Variants in ANKRD30B observed in about 807,000 individuals in gnomAD.
ANKRD30B encodes the protein ankyrin repeat domain 30B, also known as ankyrin repeat domain-containing protein 30B.
Under a neutral mutation model 202.2 loss-of-function variants are expected in ANKRD30B, and 144 were observed. The ratio of observed to expected loss-of-function variants is 0.71; its 90% CI spans 0.62 to 0.82. ANKRD30B has a LOEUF of 0.82. Among genes scored for constraint, ANKRD30B ranks in the 40% least tolerant of loss-of-function variants. ANKRD30B has a pLI of 0.00. For missense variants in ANKRD30B, 1,487 were observed against 1,669.1 expected, an observed-to-expected ratio of 0.89 and a Z score of 1.90; for synonymous variants, 508 against 561.3, an observed-to-expected ratio of 0.91 and a Z score of 1.34.
At chr18:14,875,385 A>C in the ANKRD30B span, among the ~76,000 whole-genome samples, 1 of 152,256 alleles carries the variant, frequency 6.6e-6, no homozygotes, top group Non-Finnish European at 1.5e-5. Flanking sequence ...GCCCAGGACC[A>C]CACAGGACAG....
chr18:14,835,063 G>A (rs2487250), intron 34 of ANKRD30B, among the ~76,000 whole-genome samples: 11 of 151,678 alleles, frequency 7.3e-5, no homozygotes, highest in Non-Finnish European at 3.0e-5. Flanking sequence ...CTTGGTAGCT[G>A]TTTTGAATAT....
At position 14,808,595 on chromosome 18, in the gene ANKRD30B, T is replaced by C; in HGVS notation, c.2313+16T>C. 1 of 1,573,414 alleles carries C rather than the reference T, an allele frequency of 6.4e-7. No homozygotes were observed. The highest frequency in any genetic ancestry group is 8.7e-7 in the Non-Finnish European group (1 of 1,149,254). On this transcript the variant is annotated intron_variant, in intron 25 of 43. Transcript: ENST00000690538. ...TCTTCTGAAGGTAATTACTTTTATA[T>C]TTCTATGTTGAATATTAACTACATA...
intron 33 of ANKRD30B, among the ~76,000 whole-genome samples, chr18:14,830,573 A>C (rs1406872600): frequency 6.6e-6 from 1 of 152,198 alleles, no homozygotes; most frequent in Non-Finnish European, 1.5e-5. Context: ...TTATGCTGAA[A>C]AACAAAGAAT....
At chr18:14,798,051 C>G (rs540854855) in intron 20 of ANKRD30B, among the ~76,000 whole-genome samples, 197 bp downstream of exon 20, 2 of 152,210 alleles carry the variant, frequency 1.3e-5, no homozygotes, top group East Asian at 1.9e-4. Flanking sequence ...AAAAATTCAG[C>G]TTTGCCTCAT....
chr18:14,883,373 C>G, the ANKRD30B span, among the ~76,000 whole-genome samples: 15,763 of 52,868 alleles, frequency 0.3, 1,005 homozygotes, highest in East Asian at 0.44. Flanking sequence ...CTGTCTGTCT[C>G]TCTCTCTCTC....
At chr18:14,793,415 A>G (rs1253691518) in intron 16 of ANKRD30B, among the ~76,000 whole-genome samples, 3 of 152,112 alleles carry the variant, frequency 2.0e-5, no homozygotes, top group South Asian at 4.1e-4. Context: ...CAGCTTTTGC[A>G]TTTATTTTCT....
At chr18:14,868,436 T>G in the ANKRD30B span, among the ~76,000 whole-genome samples, 2 of 152,420 alleles carry the variant, frequency 1.3e-5, no homozygotes, top group African/African-American at 2.4e-5. Flanking sequence ...TATCTTTTTG[T>G]TTTTGGTTGT....
intron 11 of ANKRD30B, among the ~76,000 whole-genome samples, chr18:14,781,374 A>G (rs1459963996): frequency 1.5e-5 from 2 of 137,904 alleles, no homozygotes; most frequent in Non-Finnish European, 3.0e-5. Flanking sequence ...CACTCACTGC[A>G]AGTTCTGCCT....
the ANKRD30B span, among the ~76,000 whole-genome samples, chr18:14,866,141 G>A: frequency 0.015 from 2,224 of 152,340 alleles, 39 homozygotes; most frequent in African/African-American, 0.051. Flanking sequence ...AACCATGTGC[G>A]TAACCCCACG....
rs2792531 is a variant in ANKRD30B, at chr18:14,850,248, A to G, written c.3430A>G (p.Asn1144Asp). 2 of 1,580,356 alleles carry G rather than the reference A, an allele frequency of 1.3e-6. No individual in the cohort carries two copies. Among genetic ancestry groups the G allele is most frequent in the South Asian group, 1.2e-5 (1 of 84,652 alleles). ...AAATCAAGAAGAAGAGAAGAGAAGA[A>G]ATGTCGATATATTAAAAGAAAAAAT... Reference protein sequence around the residue: ...TLNQEEEKRRNVDILKEKIRP... With the variant: ...TLNQEEEKRRDVDILKEKIRP... The change falls in exon 41 of 44, where the codon AAT becomes GAT. Residue 1144 changes from asparagine (N) to aspartate (D), a missense_variant. Physicochemically the swap from Asn to Asp is conservative, Grantham distance 23 (BLOSUM62 1). Transcript: ENST00000690538.
At chr18:14,897,309 T>C in the ANKRD30B span, among the ~76,000 whole-genome samples, 1 of 152,130 alleles carries the variant, frequency 6.6e-6, no homozygotes, top group South Asian at 2.1e-4. Context: ...GCCTCCCCTG[T>C]AGCTGCAATT....
Position 14,764,097 on chromosome 18 carries a change from T to C in ANKRD30B, c.1225+7T>C. On this transcript the variant is annotated splice_region_variant and intron_variant, in intron 7 of 43. Transcript: ENST00000690538. ...ACAAAAGCAAGTACAAATGGTAAGA[T>C]GCTTGAGTGAACTTTGCAGGGTTTA... The C allele has an allele frequency of 2.0e-6, 3 of 1,499,516 alleles. No homozygotes were observed. Among genetic ancestry groups the C allele is most frequent in the Non-Finnish European group, 2.7e-6 (3 of 1,129,814 alleles). 92.9% of individuals were successfully genotyped at this position (1,499,516 alleles called of 1,614,324 possible).
rs367867908 is a variant in ANKRD30B at position 14,764,446 on chromosome 18, A to G, written c.1225+356A>G. Among the ~76,000 whole-genome samples, 61 of 152,104 alleles carry G rather than the reference A, an allele frequency of 4.0e-4. 2 individuals are homozygous for G. The South Asian group carries it at 0.011, about 28-fold the overall frequency. On this transcript the variant is annotated intron_variant, in intron 7 of 43. Coordinates refer to ENST00000690538, the MANE Select transcript of ANKRD30B (RefSeq NM_001367607.2). ...GCACTGTTGCCTGGGCTGGAGTGCA[A>G]TGGCGCGAGCGATCTCGGCTCACTG...
At chr18:14,749,987 A>G (rs1913170850) in intron 1 of ANKRD30B, among the ~76,000 whole-genome samples, 1 of 152,066 alleles carries the variant, frequency 6.6e-6, no homozygotes, top group Non-Finnish European at 1.5e-5. Flanking sequence ...AATATACAAA[A>G]AGATAAAAAT....
the ANKRD30B span, among the ~76,000 whole-genome samples, chr18:14,879,672 T>C: frequency 2.0e-5 from 3 of 149,696 alleles, no homozygotes; most frequent in Non-Finnish European, 4.4e-5. Flanking sequence ...GAGAGGTTAG[T>C]GGTTTGGGAT....
At chr18:14,861,483 A>G in the ANKRD30B span, among the ~76,000 whole-genome samples, 14 of 151,100 alleles carry the variant, frequency 9.3e-5, no homozygotes, top group African/African-American at 3.4e-4. Flanking sequence ...CTTGTATCAG[A>G]TAAAACAGAC....
chr18:14,810,969 G>C (rs953962305), intron 28 of ANKRD30B, among the ~76,000 whole-genome samples: 2,363 of 150,896 alleles, frequency 0.016, 73 homozygotes, highest in African/African-American at 0.055. Context: ...ACAAACAATA[G>C]CCGGTTGTGG....
the ANKRD30B span, among the ~76,000 whole-genome samples, chr18:14,879,105 C>T: frequency 6.6e-6 from 1 of 151,842 alleles, no homozygotes; most frequent in African/African-American, 2.4e-5. Flanking sequence ...CAGTGTTCTC[C>T]TCAGCACAGA....
chr18:14,759,317 G>A (rs1914882908), intron 5 of ANKRD30B: 1 of 152,186 alleles, frequency 6.6e-6, no homozygotes, highest in Non-Finnish European at 1.5e-5. Flanking sequence ...AAGGACATTT[G>A]ACTAACTAGC....
Sources: allele counts gnomAD v4.1 joint callset (sites outside exome capture counted in the v4.1 genomes callset), GRCh38; gene constraint gnomAD v4.1.1; transcripts MANE v1.5; gene names NCBI Gene and HGNC (gene_info 2026-07-23, HGNC 2026-07-21).